XKR9: variants seen among roughly 807,000 people sequenced by gnomAD.
XKR9 encodes the protein XK-related protein 9.
In XKR9, 32 loss-of-function variants were observed where a neutral mutation model predicts 32.0. That is an observed-to-expected ratio of 1.00 (90% CI 0.76 to 1.34). XKR9 has a LOEUF of 1.34. Among genes scored for constraint, XKR9 ranks in the 40% most tolerant of loss-of-function variants. The pLI is 0.00. For synonymous variants in XKR9, 168 were observed against 143.4 expected, an observed-to-expected ratio of 1.17 and a Z score of -1.22; for missense variants, 546 against 429.7, an observed-to-expected ratio of 1.27 and a Z score of -2.39.
At chr8:70,850,197 C>G in the XKR9 span, among the ~76,000 whole-genome samples, 1 of 151,994 alleles carries the variant, frequency 6.6e-6, no homozygotes, top group African/African-American at 2.4e-5. Flanking sequence ...CACGGTGGCT[C>G]ACACCTCTAA....
At chr8:70,832,731 T>C in the XKR9 span, among the ~76,000 whole-genome samples, 1 of 152,230 alleles carries the variant, frequency 6.6e-6, no homozygotes, top group African/African-American at 2.4e-5. Context: ...GTTTTACAAA[T>C]GAGGTTTAGA....
At chr8:70,726,544 G>C (rs779331966) in intron 4 of XKR9, among the ~76,000 whole-genome samples, 6 of 152,114 alleles carry the variant, frequency 3.9e-5, no homozygotes, top group Admixed American at 6.6e-5. Flanking sequence ...TTAAACAAAT[G>C]GTATTAAGAT....
intron 2 of XKR9, among the ~76,000 whole-genome samples, chr8:70,747,673 C>G (rs541789753): frequency 4.3e-4 from 66 of 152,242 alleles, no homozygotes; most frequent in Non-Finnish European, 9.0e-4. Context: ...TTATAATCAA[C>G]AGAAAACAGA....
intron 2 of XKR9, among the ~76,000 whole-genome samples, chr8:70,784,999 C>T (rs1807664151): frequency 6.6e-6 from 1 of 151,588 alleles, no homozygotes; most frequent in Non-Finnish European, 1.5e-5. Context: ...TGTGATGTAT[C>T]ACATTTATTG....
the XKR9 span, among the ~76,000 whole-genome samples, chr8:71,007,579 T>C: frequency 6.6e-6 from 1 of 151,584 alleles, no homozygotes; most frequent in African/African-American, 2.4e-5. Flanking sequence ...AATTATAATA[T>C]GGAAAATAAA....
the XKR9 span, among the ~76,000 whole-genome samples, chr8:70,824,098 T>C: frequency 1.3e-5 from 2 of 152,154 alleles, no homozygotes; most frequent in Admixed American, 6.5e-5. Context: ...CTGGCTTAAC[T>C]GTAATACTGT....
chr8:70,925,741 A>T, the XKR9 span, among the ~76,000 whole-genome samples: 1 of 152,212 alleles, frequency 6.6e-6, no homozygotes, highest in South Asian at 2.1e-4. Context: ...AGGAGAAGGA[A>T]AAGCACCATG....
chr8:70,712,991 AC>A (rs1805970405), intron 4 of XKR9, among the ~76,000 whole-genome samples: 1 of 152,170 alleles, frequency 6.6e-6, no homozygotes, highest in Non-Finnish European at 1.5e-5. Flanking sequence ...TGAGACTTGA[AC>A]TTTTGGAAAT....
At chr8:70,939,205 C>T in the XKR9 span, among the ~76,000 whole-genome samples, 1 of 151,970 alleles carries the variant, frequency 6.6e-6, no homozygotes, top group Admixed American at 6.6e-5. Flanking sequence ...GCATCTTGTA[C>T]CTGCAGACAG....
chr8:70,748,654 A>G (rs533045416), intron 2 of XKR9, among the ~76,000 whole-genome samples: 83 of 152,296 alleles, frequency 5.4e-4, no homozygotes, highest in Non-Finnish European at 1.0e-3. Flanking sequence ...CAGGAGGCAG[A>G]CAGGTTCCTG....
the XKR9 span, among the ~76,000 whole-genome samples, chr8:70,970,892 G>A: frequency 6.6e-6 from 1 of 152,190 alleles, no homozygotes; most frequent in African/African-American, 2.4e-5. Flanking sequence ...GGAAGACAGT[G>A]TGGCGATTCC....
At chr8:70,913,617 G>A in the XKR9 span, among the ~76,000 whole-genome samples, 1 of 152,020 alleles carries the variant, frequency 6.6e-6, no homozygotes, top group Non-Finnish European at 1.5e-5. Context: ...CATTTGTATT[G>A]AGTTCAACAT....
chr8:70,774,757 T>C (rs1807497229), intron 2 of XKR9, among the ~76,000 whole-genome samples: 1 of 152,188 alleles, frequency 6.6e-6, no homozygotes, highest in Non-Finnish European at 1.5e-5. Context: ...TATTTGTCTA[T>C]CCTTAGGCTA....
At chr8:71,022,402 C>A in the XKR9 span, among the ~76,000 whole-genome samples, 1 of 152,136 alleles carries the variant, frequency 6.6e-6, no homozygotes, top group South Asian at 2.1e-4. Flanking sequence ...GGGTATAGTA[C>A]TCTTGATTGG....
chr8:70,769,750 G>T (rs1807427914), intron 2 of XKR9, among the ~76,000 whole-genome samples: 1 of 151,470 alleles, frequency 6.6e-6, no homozygotes, highest in Non-Finnish European at 1.5e-5. Flanking sequence ...ACTTGTGTGT[G>T]CTTCACAAAG....
chr8:70,933,029 T>C, the XKR9 span, among the ~76,000 whole-genome samples: 1 of 152,128 alleles, frequency 6.6e-6, no homozygotes, highest in Non-Finnish European at 1.5e-5. Flanking sequence ...TGGGACAGGT[T>C]TCCGACCCTC....
the XKR9 span, among the ~76,000 whole-genome samples, chr8:70,951,038 G>T: frequency 0.31 from 47,319 of 151,986 alleles, 8,835 homozygotes; most frequent in Non-Finnish European, 0.43. Context: ...TGCCCAGACT[G>T]GTGTCATTCA....
intron 4 of XKR9, among the ~76,000 whole-genome samples, chr8:70,727,439 C>A (rs2132230566): frequency 6.6e-6 from 1 of 151,660 alleles, no homozygotes; most frequent in African/African-American, 2.4e-5. Flanking sequence ...CTCGCTCTGT[C>A]ACCCAGGCTG....
chr8:70,854,234 T>G, the XKR9 span, among the ~76,000 whole-genome samples: 2 of 152,242 alleles, frequency 1.3e-5, no homozygotes, highest in African/African-American at 4.8e-5. Context: ...TGGTGTGAGA[T>G]GTTATCTCAT....
Sources: allele counts gnomAD v4.1 joint callset (sites outside exome capture counted in the v4.1 genomes callset), GRCh38; gene constraint gnomAD v4.1.1; transcripts MANE v1.5; gene names NCBI Gene and HGNC (gene_info 2026-07-23, HGNC 2026-07-21).